Variants in NTRK3 observed in about 807,000 individuals in gnomAD.
The protein encoded by NTRK3 is NT-3 growth factor receptor.
Under a neutral mutation model 91.7 loss-of-function variants are expected in NTRK3, and 24 were observed. The observed-to-expected ratio is 0.26, with a 90% CI of 0.19 to 0.37. NTRK3 has a LOEUF of 0.37. Among genes scored for constraint, NTRK3 ranks in the 10% least tolerant of loss-of-function variants. The pLI, the probability that NTRK3 is intolerant of heterozygous loss-of-function variation, is 1.00. For synonymous variants in NTRK3, 483 were observed against 404.0 expected, an observed-to-expected ratio of 1.20 and a Z score of -2.34; for missense variants, 880 against 1,068.9, an observed-to-expected ratio of 0.82 and a Z score of 2.46.
chr15:87,971,928 A>G (rs149759769), intron 14 of NTRK3, among the ~76,000 whole-genome samples: 4 of 152,326 alleles, frequency 2.6e-5, no homozygotes, highest in Non-Finnish European at 5.9e-5. Flanking sequence ...GAATACCACA[A>G]TGTGATTTTT....
chr15:88,209,479 T>C (rs2049061113), intron 3 of NTRK3, among the ~76,000 whole-genome samples: 1 of 152,084 alleles, frequency 6.6e-6, no homozygotes. Context: ...CATCCTATAC[T>C]TGAGAGAGGA....
At chr15:88,230,656 C>G (rs2051103947) in intron 3 of NTRK3, among the ~76,000 whole-genome samples, 2 of 152,116 alleles carry the variant, frequency 1.3e-5, no homozygotes, top group African/African-American at 4.8e-5. Flanking sequence ...TGCAGTATAC[C>G]TGTTCTGGGA....
chr15:87,919,201 A>G (rs561285224), intron 17 of NTRK3, among the ~76,000 whole-genome samples: 26 of 152,340 alleles, frequency 1.7e-4, no homozygotes, highest in African/African-American at 4.8e-4. Flanking sequence ...GTTCCATGTC[A>G]GGAGTCATGG....
chr15:88,256,338 G>C, exon 2 of NTRK3: 1 of 644,324 alleles, frequency 1.6e-6, no homozygotes, highest in East Asian at 2.7e-5. Context: ...AAACCATCGC[G>C]GACGCCGCCG....
intron 18 of NTRK3, among the ~76,000 whole-genome samples, chr15:87,879,713 C>T (rs533288617): frequency 6.6e-6 from 1 of 152,200 alleles, no homozygotes; most frequent in African/African-American, 2.4e-5. Context: ...AATATAATGG[C>T]TATTTATTAC....
chr15:88,078,663 A>G (rs2047773853), intron 13 of NTRK3, among the ~76,000 whole-genome samples: 1 of 152,186 alleles, frequency 6.6e-6, no homozygotes, highest in African/African-American at 2.4e-5. Context: ...GTTAAAAACA[A>G]CAACAACAAC....
intron 17 of NTRK3, among the ~76,000 whole-genome samples, chr15:87,906,655 T>C (rs1427546291): frequency 2.6e-5 from 4 of 152,216 alleles, no homozygotes; most frequent in Admixed American, 2.6e-4. Context: ...AGCTGAGTCA[T>C]GAAAGCCCTC....
intron 14 of NTRK3, among the ~76,000 whole-genome samples, chr15:88,023,790 T>C (rs572166092): frequency 2.3e-4 from 35 of 152,310 alleles, no homozygotes; most frequent in African/African-American, 8.2e-4. Flanking sequence ...TCTCCTTCTT[T>C]GCATCAGGCA....
intron 17 of NTRK3, among the ~76,000 whole-genome samples, chr15:87,923,214 T>C (rs2068018905): frequency 6.6e-6 from 1 of 152,222 alleles, no homozygotes; most frequent in Non-Finnish European, 1.5e-5. Context: ...CAATTCATGT[T>C]TTTTCTCTTC....
intron 17 of NTRK3, among the ~76,000 whole-genome samples, chr15:87,881,121 G>A (rs764981279): frequency 5.3e-5 from 8 of 152,174 alleles, no homozygotes; most frequent in Non-Finnish European, 7.3e-5. Flanking sequence ...AGGGGAAAAG[G>A]AAGTGACTGA....
chr15:88,216,885 A>T (rs978908029), intron 3 of NTRK3, among the ~76,000 whole-genome samples: 8 of 152,224 alleles, frequency 5.3e-5, no homozygotes, highest in Non-Finnish European at 1.0e-4. Flanking sequence ...TTAATCTGCA[A>T]GTCCCATTAG....
At chr15:88,078,245 A>G (rs2047729951) in intron 13 of NTRK3, among the ~76,000 whole-genome samples, 1 of 152,210 alleles carries the variant, frequency 6.6e-6, no homozygotes, top group Non-Finnish European at 1.5e-5. Flanking sequence ...GGGTAGAGGT[A>G]CAGCAATACA....
intron 13 of NTRK3, among the ~76,000 whole-genome samples, chr15:88,114,754 G>A (rs1051028254): frequency 6.6e-6 from 1 of 152,168 alleles, no homozygotes; most frequent in Non-Finnish European, 1.5e-5. Flanking sequence ...CAGGAAATTA[G>A]GAAGGGACTG....
At chr15:87,960,158 C>A (rs1047125394) in intron 14 of NTRK3, among the ~76,000 whole-genome samples, 2 of 152,190 alleles carry the variant, frequency 1.3e-5, no homozygotes, top group African/African-American at 4.8e-5. Context: ...CCTCCTCGAA[C>A]AAGACTAATC....
chr15:87,866,059 G>A (rs1045327619), exon 19 of NTRK3: 4 of 230,114 alleles, frequency 1.7e-5, no homozygotes, highest in Non-Finnish European at 2.6e-5. Flanking sequence ...CACAGAGTAT[G>A]TTAACAGTTA....
chr15:88,172,974 T>C (rs1471214225), intron 5 of NTRK3, among the ~76,000 whole-genome samples: 1 of 152,180 alleles, frequency 6.6e-6, no homozygotes, highest in East Asian at 1.9e-4. Flanking sequence ...ATTTACTTTC[T>C]TTGGAGGCAG....
chr15:88,160,809 C>G (rs758218532), intron 5 of NTRK3, among the ~76,000 whole-genome samples: 6 of 152,172 alleles, frequency 3.9e-5, no homozygotes, highest in Non-Finnish European at 7.3e-5. Flanking sequence ...TGGAAGGGAA[C>G]AGTGGCTGTG....
exon 12 of NTRK3, chr15:88,127,216 C>T (rs780338475): frequency 5.6e-6 from 9 of 1,613,972 alleles, no homozygotes; most frequent in Non-Finnish European, 7.6e-6. Flanking sequence ...GTGTGGGACT[C>T]ACTTCGTCAA....
exon 19 of NTRK3, chr15:87,867,832 G>C (rs1016472203): frequency 2.2e-5 from 5 of 227,152 alleles, no homozygotes; most frequent in African/African-American, 6.7e-5. Flanking sequence ...AACAAATTCA[G>C]TACCATTTCC....
Sources: gnomAD v4.1 joint callset for allele counts (sites outside exome capture counted in the v4.1 genomes callset) on GRCh38, gnomAD v4.1.1 for gene constraint, MANE v1.5 for transcripts, NCBI Gene and HGNC (gene_info 2026-07-23, HGNC 2026-07-21) for gene names.